Variants in NRG3 observed in about 807,000 individuals in gnomAD.
NRG3 encodes pro-neuregulin-3, membrane-bound isoform.
NRG3 carries 31 observed loss-of-function variants against 66.9 expected under a neutral mutation model. That is an observed-to-expected ratio of 0.46 (90% CI 0.35 to 0.63). The LOEUF (loss-of-function observed/expected upper bound fraction) is 0.63, where lower values mean the gene tolerates loss of function less well. Among genes scored for constraint, NRG3 ranks in the 20% least tolerant of loss-of-function variants. The pLI is 0.00. For synonymous variants in NRG3, 393 were observed against 359.4 expected (o/e 1.09, Z -1.06); for missense variants, 910 against 878.9 (o/e 1.04, Z -0.45).
intron 3 of NRG3, among the ~76,000 whole-genome samples, chr10:82,783,493 A>G (rs2060207469): frequency 6.6e-6 from 1 of 151,922 alleles, no homozygotes; most frequent in Admixed American, 6.6e-5. Flanking sequence ...TAAGCTGATA[A>G]GCAACTTCAG....
chr10:82,321,623 C>T (rs1033914673), intron 1 of NRG3, among the ~76,000 whole-genome samples: 3 of 152,134 alleles, frequency 2.0e-5, no homozygotes, highest in Admixed American at 6.5e-5. Context: ...TAGGGGCCCA[C>T]CTACCATTTC....
At chr10:82,710,083 T>C (rs2134382709) in intron 2 of NRG3, among the ~76,000 whole-genome samples, 1 of 152,326 alleles carries the variant, frequency 6.6e-6, no homozygotes, top group East Asian at 1.9e-4. Flanking sequence ...TTATGGCCAT[T>C]TTGGCTGCTT....
chr10:81,960,282 A>G (rs1850228422), intron 1 of NRG3, among the ~76,000 whole-genome samples: 1 of 152,228 alleles, frequency 6.6e-6, no homozygotes. Context: ...GTAATTGCAT[A>G]GATGACTATA....
At position 82,885,213 on chromosome 10, in the gene NRG3, T is replaced by G. The variant is rs867025376; in HGVS notation, c.1054+19776T>G. Reference sequence around the variant, plus strand: ...GGAAAATGTATGGTTATGTATATATTTTACTACAGAGAACACAATGAGTTT... The same window carrying G: ...GGAAAATGTATGGTTATGTATATATGTTACTACAGAGAACACAATGAGTTT... On this transcript the variant is annotated intron_variant, in intron 4 of 8. Transcript: ENST00000372141. Among the ~76,000 whole-genome samples the G allele has an allele frequency of 3.3e-5, 5 of 152,324 alleles. No homozygotes were observed. In the South Asian group the frequency reaches 1.0e-3, roughly 32 times the overall value.
At chr10:81,946,748 C>T (rs1372680623) in intron 1 of NRG3, among the ~76,000 whole-genome samples, 4 of 152,144 alleles carry the variant, frequency 2.6e-5, no homozygotes, top group South Asian at 2.1e-4. Context: ...CCATCATGGG[C>T]GTGAATCTGC....
intron 1 of NRG3, among the ~76,000 whole-genome samples, chr10:81,914,153 G>A (rs1845444495): frequency 6.6e-6 from 1 of 151,988 alleles, no homozygotes; most frequent in Admixed American, 6.6e-5. Flanking sequence ...GAAATTATGG[G>A]AAATTAAATA....
intron 4 of NRG3, among the ~76,000 whole-genome samples, chr10:82,908,503 AT>A (rs985502990): frequency 1.3e-5 from 2 of 152,200 alleles, no homozygotes; most frequent in Non-Finnish European, 2.9e-5. Flanking sequence ...GCAACTGGTG[AT>A]TTATGGCTGC....
intron 4 of NRG3, among the ~76,000 whole-genome samples, chr10:82,892,663 C>CTAAA (rs1843264614): frequency 7.4e-6 from 1 of 134,542 alleles, no homozygotes; most frequent in East Asian, 2.0e-4. Flanking sequence ...GATAACCTGT[C>CTAAA]TCAATAAATA....
At chr10:82,193,702 G>T (rs2074290170) in intron 1 of NRG3, among the ~76,000 whole-genome samples, 1 of 152,162 alleles carries the variant, frequency 6.6e-6, no homozygotes, top group Non-Finnish European at 1.5e-5. Context: ...AATGGTGCTA[G>T]GCTTTTGGCT....
intron 2 of NRG3, among the ~76,000 whole-genome samples, chr10:82,689,638 T>C (rs2054773414): frequency 6.6e-6 from 1 of 152,206 alleles, no homozygotes; most frequent in African/African-American, 2.4e-5. Flanking sequence ...TGAATGACTT[T>C]CCAGAGCAGA....
chr10:82,984,558 A>G (rs560095549), intron 8 of NRG3, among the ~76,000 whole-genome samples: 6 of 152,232 alleles, frequency 3.9e-5, no homozygotes, highest in African/African-American at 1.4e-4. Flanking sequence ...GATCCCCTAA[A>G]ATCAGTGTGA....
intron 4 of NRG3, among the ~76,000 whole-genome samples, chr10:82,923,798 C>CTG (rs144258753): frequency 1.3e-5 from 2 of 151,050 alleles, no homozygotes; most frequent in African/African-American, 2.4e-5. Flanking sequence ...CTCCTTCTAC[C>CTG]TGTGTGTGTG....
At chr10:82,818,909 T>A (rs1243478012) in intron 3 of NRG3, among the ~76,000 whole-genome samples, 1 of 152,248 alleles carries the variant, frequency 6.6e-6, no homozygotes, top group Admixed American at 6.5e-5. Context: ...AAATTCAATA[T>A]CTGCTTTGGA....
rs189496130 is a variant in NRG3 at position 82,873,063 on chromosome 10, C to T, written c.1054+7626C>T. Reference sequence around the variant, plus strand: ...TCCCATTGAGGAAGCCATGCCAAACCTAATGTCTGTAAAACTGTCAACATT... The same window carrying T: ...TCCCATTGAGGAAGCCATGCCAAACTTAATGTCTGTAAAACTGTCAACATT... On this transcript the variant is annotated intron_variant, in intron 4 of 8. Transcript: ENST00000372141. Among the ~76,000 whole-genome samples the T allele has an allele frequency of 3.3e-5, 5 of 152,202 alleles. No individual in the cohort carries two copies. The East Asian group carries it at 9.6e-4, about 29-fold the overall frequency.
intron 2 of NRG3, among the ~76,000 whole-genome samples, chr10:82,453,090 C>A (rs2091098051): frequency 6.6e-6 from 1 of 152,034 alleles, no homozygotes; most frequent in Non-Finnish European, 1.5e-5. Flanking sequence ...ACTTTCTGAG[C>A]CTGTTTTCTT....
At chr10:82,016,982 C>T (rs551206683) in intron 1 of NRG3, among the ~76,000 whole-genome samples, 10 of 152,202 alleles carry the variant, frequency 6.6e-5, no homozygotes, top group Middle Eastern at 3.4e-3. Context: ...ATGTGCACAA[C>T]GTGCACGTTT....
intron 1 of NRG3, among the ~76,000 whole-genome samples, chr10:82,327,030 T>C (rs1589731045): frequency 6.6e-6 from 1 of 152,222 alleles, no homozygotes; most frequent in African/African-American, 2.4e-5. Flanking sequence ...GGAGTCATTT[T>C]AGGCATTGAT....
At chr10:82,939,432 GTTGTTGTTGTTGT>G (rs1848378743) in intron 4 of NRG3, among the ~76,000 whole-genome samples, 1 of 124,692 alleles carries the variant, frequency 8.0e-6, no homozygotes, top group African/African-American at 3.6e-5. Flanking sequence ...TTTTTCCTTT[GTTGTTGTTGTTGT>G]TTGTTGTTGT....
At chr10:82,857,934 G>A (rs1329175132) in intron 3 of NRG3, among the ~76,000 whole-genome samples, 1 of 152,096 alleles carries the variant, frequency 6.6e-6, no homozygotes, top group Non-Finnish European at 1.5e-5. Context: ...TTTCTTTTTA[G>A]GACAGACATT....
Sources: gnomAD v4.1 joint callset for allele counts (sites outside exome capture counted in the v4.1 genomes callset) on GRCh38, gnomAD v4.1.1 for gene constraint, MANE v1.5 for transcripts, NCBI Gene and HGNC (gene_info 2026-07-23, HGNC 2026-07-21) for gene names.